The following MACROD2 variants were observed in gnomAD, a reference collection of about 807,000 sequenced individuals.
The protein encoded by MACROD2 is mono-ADP ribosylhydrolase 2, also known as ADP-ribose glycohydrolase MACROD2.
A neutral mutation model predicts 70.4 loss-of-function variants in MACROD2; 36 were observed. The ratio of observed to expected loss-of-function variants is 0.51; its 90% CI spans 0.39 to 0.68. The LOEUF is 0.68. Ranked by LOEUF, MACROD2 falls within the 30% of genes least tolerant of loss-of-function variation. MACROD2 has a pLI of 0.00. For missense variants in MACROD2, 496 were observed against 538.4 expected (o/e 0.92, Z 0.78); for synonymous variants, 172 against 178.8 (o/e 0.96, Z 0.30).
intron 6 of MACROD2, among the ~76,000 whole-genome samples, chr20:15,234,010 T>TA (rs1299319044): frequency 5.4e-3 from 230 of 42,232 alleles, no homozygotes; most frequent in East Asian, 6.6e-3. Context: ...TATATATATA[T>TA]TCTTTTTTTT....
intron 5 of MACROD2, among the ~76,000 whole-genome samples, chr20:14,790,420 A>G (rs1302429759): frequency 6.6e-6 from 1 of 152,080 alleles, no homozygotes; most frequent in Non-Finnish European, 1.5e-5. Flanking sequence ...CATATTTCAG[A>G]GGTACTTCCA....
intron 4 of MACROD2, among the ~76,000 whole-genome samples, chr20:14,564,183 T>G (rs1979625446): frequency 6.6e-6 from 1 of 151,782 alleles, no homozygotes. Flanking sequence ...GTACTGTATA[T>G]AAAAATTAAC....
intron 8 of MACROD2, among the ~76,000 whole-genome samples, chr20:15,527,686 C>T (rs1698400738): frequency 6.6e-6 from 1 of 152,186 alleles, no homozygotes; most frequent in African/African-American, 2.4e-5. Context: ...CTCTGCATTT[C>T]TTCCTTGGAG....
intron 5 of MACROD2, among the ~76,000 whole-genome samples, chr20:14,914,117 C>G (rs2074061553): frequency 6.6e-6 from 1 of 152,216 alleles, no homozygotes; most frequent in African/African-American, 2.4e-5. Context: ...AGCGCTTACT[C>G]TTTGTAGCTG....
chr20:15,612,694 G>A (rs921851369), intron 8 of MACROD2, among the ~76,000 whole-genome samples: 1 of 152,250 alleles, frequency 6.6e-6, no homozygotes, highest in African/African-American at 2.4e-5. Context: ...GAATAGAAAC[G>A]ATGGCTCTGT....
chr20:15,500,761 A>T (rs982504039), intron 8 of MACROD2, among the ~76,000 whole-genome samples: 1 of 152,222 alleles, frequency 6.6e-6, no homozygotes, highest in Non-Finnish European at 1.5e-5. Context: ...TTGAAGAAAC[A>T]GCAGTGTCAT....
At chr20:15,948,382 C>CAAAAAAAAAAA (rs71192307) in intron 12 of MACROD2, among the ~76,000 whole-genome samples, 40 of 43,138 alleles carry the variant, frequency 9.3e-4, no homozygotes, top group Admixed American at 1.5e-3. Context: ...CTTGCAACTG[C>CAAAAAAAAAAA]AAAAAAAAAA....
chr20:14,820,586 C>A (rs1287309297), intron 5 of MACROD2, among the ~76,000 whole-genome samples: 1 of 152,002 alleles, frequency 6.6e-6, no homozygotes, highest in Non-Finnish European at 1.5e-5. Flanking sequence ...CTTAACTTAG[C>A]TTCTCATCTA....
intron 5 of MACROD2, among the ~76,000 whole-genome samples, chr20:15,158,988 T>C (rs1436724450): frequency 6.6e-6 from 1 of 152,122 alleles, no homozygotes; most frequent in African/African-American, 2.4e-5. Flanking sequence ...CTCCCTCAAA[T>C]GCATAGGCCA....
intron 3 of MACROD2, among the ~76,000 whole-genome samples, chr20:14,423,964 G>A (rs938607881): frequency 3.3e-5 from 5 of 151,604 alleles, no homozygotes; most frequent in Admixed American, 3.3e-4. Context: ...GTTTCTCCGT[G>A]TTGGTCAGGC....
In MACROD2 at chr20:15,613,826, G is replaced by C. The variant is rs534722585; in HGVS notation, c.645+113979G>C. Among the ~76,000 whole-genome samples, 13 of 152,306 alleles carry C rather than the reference G, an allele frequency of 8.5e-5. No individual in the cohort carries two copies. The South Asian group carries it at 2.7e-3, about 32-fold the overall frequency. ...ATGTAGGAGGGTGGAAAGTCTGACC[G>C]TGTTATCTTAAAATTGATAAGTTGG... On this transcript the variant is annotated intron_variant, in intron 8 of 17. Transcript: ENST00000684519.
intron 5 of MACROD2, among the ~76,000 whole-genome samples, chr20:14,898,525 G>T (rs1040766397): frequency 6.6e-6 from 1 of 152,096 alleles, no homozygotes; most frequent in South Asian, 2.1e-4. Context: ...CCAGGAGTTC[G>T]AGACCAGCCT....
chr20:15,627,022 A>G (rs2049213809), intron 8 of MACROD2, among the ~76,000 whole-genome samples: 1 of 152,172 alleles, frequency 6.6e-6, no homozygotes, highest in Non-Finnish European at 1.5e-5. Flanking sequence ...GAAACACAGA[A>G]TTAGCAAAGT....
chr20:14,103,300 A>T (rs562553247), intron 3 of MACROD2, among the ~76,000 whole-genome samples: 1 of 152,178 alleles, frequency 6.6e-6, no homozygotes, highest in African/African-American at 2.4e-5. Context: ...AAATAGTAAC[A>T]AAGTCTTCCA....
chr20:14,806,082 A>C (rs908693672), intron 5 of MACROD2, among the ~76,000 whole-genome samples: 7 of 152,118 alleles, frequency 4.6e-5, no homozygotes, highest in African/African-American at 1.7e-4. Context: ...TATTAGTTAT[A>C]ACTTAGTTGG....
intron 9 of MACROD2, among the ~76,000 whole-genome samples, chr20:15,880,739 C>T (rs954521575): frequency 1.3e-5 from 2 of 152,038 alleles, no homozygotes; most frequent in Non-Finnish European, 2.9e-5. Flanking sequence ...TGGGATTCAG[C>T]AAGCAGAGAG....
chr20:15,241,528 A>G (rs942508908), intron 6 of MACROD2, among the ~76,000 whole-genome samples: 2 of 152,192 alleles, frequency 1.3e-5, no homozygotes, highest in African/African-American at 2.4e-5. Flanking sequence ...AATAGTAATA[A>G]TATAACCCTC....
intron 2 of MACROD2, among the ~76,000 whole-genome samples, chr20:14,037,489 G>A (rs945890218): frequency 2.6e-5 from 4 of 152,142 alleles, no homozygotes; most frequent in South Asian, 2.1e-4. Context: ...ATTGGTGGAC[G>A]TGAAAATATT....
chr20:15,740,710 C>G (rs907041359), intron 8 of MACROD2, among the ~76,000 whole-genome samples: 5 of 140,550 alleles, frequency 3.6e-5, no homozygotes, highest in African/African-American at 1.5e-4. Context: ...TTACATGGAG[C>G]CTTTTTTTTT....
Sources: allele counts gnomAD v4.1 joint callset (sites outside exome capture counted in the v4.1 genomes callset), GRCh38; gene constraint gnomAD v4.1.1; transcripts MANE v1.5; gene names NCBI Gene and HGNC (gene_info 2026-07-23, HGNC 2026-07-21).